The following GRM5 variants were observed in gnomAD, a reference collection of about 807,000 sequenced individuals.
GRM5 encodes the protein metabotropic glutamate receptor 5.
In GRM5, 19 loss-of-function variants were observed where a neutral mutation model predicts 83.1. That is an observed-to-expected ratio of 0.23 (90% CI 0.16 to 0.34). GRM5 has a LOEUF of 0.34. Among genes scored for constraint, GRM5 ranks in the 10% least tolerant of loss-of-function variants. GRM5 has a pLI of 1.00. For missense variants in GRM5, 1,160 were observed against 1,588.3 expected, an observed-to-expected ratio of 0.73 and a Z score of 4.58; for synonymous variants, 675 against 633.6, an observed-to-expected ratio of 1.07 and a Z score of -0.98.
chr11:88,724,301 G>T (rs534301412), intron 3 of GRM5, among the ~76,000 whole-genome samples: 1 of 152,086 alleles, frequency 6.6e-6, no homozygotes, highest in South Asian at 2.1e-4. Context: ...TCTTTCTTCA[G>T]GTCTCCTCTG....
intron 9 of GRM5, 24 bp from the exon 10 acceptor site, chr11:88,509,528 G>C (rs199735694): frequency 1.9e-6 from 3 of 1,591,124 alleles, no homozygotes; most frequent in Non-Finnish European, 1.7e-6. Context: ...GGAGAGGAAA[G>C]GTGACTCAGC....
At chr11:89,006,144 G>C (rs1940517596) in intron 2 of GRM5, among the ~76,000 whole-genome samples, 1 of 152,202 alleles carries the variant, frequency 6.6e-6, no homozygotes, top group Non-Finnish European at 1.5e-5. Context: ...CAGTATAGCA[G>C]AAAGAGGACG....
chr11:88,567,477 T>C lies in GRM5; in HGVS notation c.2206A>G (p.Thr736Ala). 6.2e-7 allele frequency: 1 copy of C among 1,614,084 alleles called. No individual in the cohort carries two copies. Among genetic ancestry groups the C allele is most frequent in the Non-Finnish European group, 8.5e-7 (1 of 1,179,936 alleles). ...IREVYLICNT[T>A]NLGVVTPLGY... ...AGTGGAGTGACAACTCCTAGGTTGG[T>C]GGTGTTACAGATCAGGTAGACTTCT... Residue 736 changes from threonine to alanine, a missense_variant, in exon 8 of 10, where the codon ACC (threonine) becomes GCC (alanine). Physicochemically the swap from Thr to Ala is moderately conservative, Grantham distance 58. Around this residue, in one of 9 missense-constraint regions of GRM5, gnomAD observed 44 missense variants for 41.0 expected, o/e 1.07. Transcript: ENST00000305447. This position sits in a 1 kb window ranked among gnomAD's most constrained non-coding sequence, Gnocchi z 7.3.
intron 2 of GRM5, among the ~76,000 whole-genome samples, chr11:88,895,971 A>T (rs956768126): frequency 1.3e-5 from 2 of 151,962 alleles, no homozygotes; most frequent in Non-Finnish European, 2.9e-5. Context: ...GAATTGAGAA[A>T]AGTAACATTA....
rs1034800806 is a variant in GRM5, at chr11:88,937,160, T to C, written c.662-87005A>G. ...AGAAAGGTGAGTATTGAGCTTAATT[T>C]GAGCTCAGAGGGACCAACTGGGTTT... On this transcript the variant is annotated intron_variant, in intron 2 of 9. Coordinates refer to ENST00000305447, the MANE Select transcript of GRM5 (RefSeq NM_001143831.3). 7.3e-5 allele frequency among the ~76,000 whole-genome samples: 11 copies of C among 151,696 alleles called. 1 individual carries two copies. The highest frequency in any genetic ancestry group is 2.4e-4 in the African/African-American group (10 of 41,388).
At chr11:88,635,744 C>T (rs1025259111) in intron 4 of GRM5, among the ~76,000 whole-genome samples, 4 of 152,036 alleles carry the variant, frequency 2.6e-5, no homozygotes, top group Non-Finnish European at 4.4e-5. Context: ...TCATACCCCC[C>T]AAAAAATCAT....
At chr11:88,645,684 G>A (rs189765573) in intron 4 of GRM5, among the ~76,000 whole-genome samples, 2 of 152,160 alleles carry the variant, frequency 1.3e-5, no homozygotes, top group African/African-American at 2.4e-5. Flanking sequence ...CTAATTTTTA[G>A]TATCAAATGG....
chr11:88,577,371 A>G (rs987044623), intron 7 of GRM5, among the ~76,000 whole-genome samples: 4 of 152,158 alleles, frequency 2.6e-5, no homozygotes, highest in Non-Finnish European at 5.9e-5. Flanking sequence ...AGAAAAATGT[A>G]CAAGGGGAAA....
At chr11:88,722,888 AC>A (rs1219254156) in intron 3 of GRM5, among the ~76,000 whole-genome samples, 1 of 123,720 alleles carries the variant, frequency 8.1e-6, no homozygotes, top group African/African-American at 4.6e-5. Context: ...TCTATAGTTT[AC>A]TTTAGGGTTC....
At chr11:88,777,867 C>A (rs928956147) in intron 3 of GRM5, among the ~76,000 whole-genome samples, 1 of 152,128 alleles carries the variant, frequency 6.6e-6, no homozygotes, top group Non-Finnish European at 1.5e-5. Flanking sequence ...AGGTACCTGT[C>A]GGCCCCTACT....
At chr11:88,917,041 A>G (rs1463653178) in intron 2 of GRM5, among the ~76,000 whole-genome samples, 2 of 152,200 alleles carry the variant, frequency 1.3e-5, no homozygotes, top group East Asian at 1.9e-4. Context: ...AAGACCCAGT[A>G]CTGTGCTAGC....
intron 3 of GRM5, among the ~76,000 whole-genome samples, chr11:88,765,517 G>A (rs140084505): frequency 6.6e-6 from 1 of 151,148 alleles, no homozygotes; most frequent in Non-Finnish European, 1.5e-5. Flanking sequence ...ATAGAACAGA[G>A]AGCCTAGAAA....
At chr11:88,634,679 A>G (rs1939071149) in intron 4 of GRM5, among the ~76,000 whole-genome samples, 1 of 152,192 alleles carries the variant, frequency 6.6e-6, no homozygotes, top group African/African-American at 2.4e-5. Flanking sequence ...GATGTTTTAC[A>G]GTTGACTTTT....
At chr11:88,555,972 C>T (rs965729091) in intron 8 of GRM5, among the ~76,000 whole-genome samples, 1 of 152,084 alleles carries the variant, frequency 6.6e-6, no homozygotes, top group African/African-American at 2.4e-5. Flanking sequence ...CAAACCACAA[C>T]AGGAATGAGG....
intron 2 of GRM5, among the ~76,000 whole-genome samples, chr11:88,939,983 TA>T (rs1277820930): frequency 6.6e-6 from 1 of 151,880 alleles, no homozygotes; most frequent in Non-Finnish European, 1.5e-5. Context: ...AATTCAGTAA[TA>T]AAAGGAATCA....
intron 2 of GRM5, among the ~76,000 whole-genome samples, chr11:88,958,462 T>C (rs1397823777): frequency 1.3e-5 from 2 of 151,836 alleles, no homozygotes; most frequent in African/African-American, 4.8e-5. Flanking sequence ...TTATAAAATA[T>C]CTGCCAAAGA....
chr11:89,057,104 T>G (rs1941893885), intron 1 of GRM5, among the ~76,000 whole-genome samples: 1 of 152,160 alleles, frequency 6.6e-6, no homozygotes, highest in Non-Finnish European at 1.5e-5. Context: ...GGCACAGATG[T>G]CTCTTATATA....
intron 6 of GRM5, among the ~76,000 whole-genome samples, chr11:88,596,850 A>G (rs900512749): frequency 2.0e-5 from 3 of 152,168 alleles, no homozygotes; most frequent in Middle Eastern, 3.4e-3. Context: ...TAACTATTAT[A>G]TTAATAAACA....
chr11:89,047,948 G>A lies in GRM5; in HGVS notation c.-76C>T. On this transcript the variant is annotated 5_prime_UTR_variant, in exon 2 of 10. Coordinates refer to ENST00000305447, the MANE Select transcript of GRM5 (RefSeq NM_001143831.3). This position sits in a 1 kb window ranked among gnomAD's most constrained non-coding sequence, Gnocchi z 5.1. ...GGAGGGTTCTGATAGCTACGAACAAGCGATGTCCTACGTTGAGTCGCAAAT... is the reference window on the plus strand; with the variant it reads ...GGAGGGTTCTGATAGCTACGAACAAACGATGTCCTACGTTGAGTCGCAAAT... 1 of 1,081,308 alleles carries A rather than the reference G, an allele frequency of 9.2e-7. No individual in the cohort carries two copies. Among genetic ancestry groups the A allele is most frequent in the Non-Finnish European group, 1.4e-6 (1 of 721,068 alleles). The allele number at this position is 1,081,308 out of a possible 1,614,324, so 67.0% of individuals were successfully genotyped here.
Sources: allele counts gnomAD v4.1 joint callset (sites outside exome capture counted in the v4.1 genomes callset), GRCh38; gene constraint gnomAD v4.1.1; regional missense constraint gnomAD v4.1.1; non-coding constraint Gnocchi (gnomAD v3.1); transcripts MANE v1.5; gene names NCBI Gene and HGNC (gene_info 2026-07-23, HGNC 2026-07-21).